The following SFRP4 variants were observed in gnomAD, a reference collection of about 807,000 sequenced individuals.
SFRP4 encodes the protein secreted frizzled related protein 4.
SFRP4 carries 25 observed loss-of-function variants against 36.3 expected under a neutral mutation model. The ratio of observed to expected loss-of-function variants is 0.69; its 90% CI spans 0.50 to 0.96. SFRP4 has a LOEUF of 0.96. SFRP4 is among the 40% of genes least tolerant of loss of function. SFRP4 has a pLI of 0.00. For synonymous variants in SFRP4, 182 were observed against 168.8 expected, an observed-to-expected ratio of 1.08 and a Z score of -0.60; for missense variants, 487 against 459.6, an observed-to-expected ratio of 1.06 and a Z score of -0.54.
chr7:37,916,668 T>C lies in SFRP4; in HGVS notation c.-131A>G, dbSNP rs1037798419. ...CGCAGGAGAGTTTCTTCCCCCAAAC[T>C]CCAGTCGGCAGCAAAGCGGGGCCGC... On this transcript the variant is annotated 5_prime_UTR_variant, in exon 1 of 6. Transcript: ENST00000436072. The surrounding 1 kb of genome is among the most constrained non-coding windows in gnomAD (Gnocchi z 4.1). The C allele has an allele frequency of 9.1e-5, 123 of 1,357,520 alleles. 1 individual carries two copies. The African/African-American group carries it at 1.6e-3, about 18-fold the overall frequency. The allele number at this position is 1,357,520 out of a possible 1,614,324, so 84.1% of individuals were successfully genotyped here. A position where few individuals can be genotyped will look rare whatever the true frequency, so the allele number is the denominator to read the frequency against.
rs751834775 is a variant in SFRP4, at chr7:37,909,673, G to A, written c.799C>T (p.Leu267Phe). Reference protein sequence around the residue: ...MCYEWRSRMMLLENCLVEKWR... With the variant: ...MCYEWRSRMMFLENCLVEKWR... ...TTTTCAACTAAGCAATTTTCAAGAAGCATCATCCTGAAAAAAAATTATCTT... is the reference window on the plus strand; with the variant it reads ...TTTTCAACTAAGCAATTTTCAAGAAACATCATCCTGAAAAAAAATTATCTT... Residue 267 changes from leucine to phenylalanine, a missense_variant, in exon 5 of 6, where the codon CTT (leucine) becomes TTT (phenylalanine). Transcript: ENST00000436072. 1.9e-6 allele frequency: 3 copies of A among 1,569,754 alleles called. No homozygotes were observed. The highest frequency in any genetic ancestry group is 2.3e-5 in the East Asian group (1 of 43,248).
Position 37,916,220 on chromosome 7 carries a change from G to T in SFRP4, c.318C>A (p.Asp106Glu). The part of the protein sequence containing the change: ...PCKSVCQRAR[D>E]DCEPLMKMYN... ...ACATCTTCATGAGGGGCTCGCAGTC[G>T]TCGCGCGCGCGTTGGCACACCGACT... Residue 106 changes from aspartate (D) to glutamate (E), a missense_variant, in exon 1 of 6, where the codon GAC becomes GAA. Physicochemically the swap from Asp to Glu is conservative, Grantham distance 45. Coordinates refer to ENST00000436072, the MANE Select transcript of SFRP4 (RefSeq NM_003014.4). The surrounding 1 kb of genome is among the most constrained non-coding windows in gnomAD (Gnocchi z 4.1). 2 of 1,614,194 alleles carry T rather than the reference G, an allele frequency of 1.2e-6. No individual in the cohort carries two copies. Among genetic ancestry groups the T allele is most frequent in the South Asian group, 1.1e-5 (1 of 91,084 alleles).
chr7:37,914,434 G>T lies in SFRP4; in HGVS notation c.465C>A (p.Ile155=). ...DLPEDVKWID[I]TPDMMVQERP... is the part of the protein sequence containing the mutation. Reference sequence around the variant, plus strand: ...TTTCCTGTACCATCATGTCTGGTGTGATGTCTATCCACTTAACATCTGAAA... The same window carrying T: ...TTTCCTGTACCATCATGTCTGGTGTTATGTCTATCCACTTAACATCTGAAA... The change falls in exon 2 of 6, where the codon ATC becomes ATA. Residue 155 remains isoleucine, a synonymous_variant. Transcript: ENST00000436072. The T allele has an allele frequency of 6.2e-7, 1 of 1,613,822 alleles. No individual in the cohort carries two copies. Among genetic ancestry groups the T allele is most frequent in the East Asian group, 2.2e-5 (1 of 44,888 alleles).
intron 3 of SFRP4, 148 bp from the exon 4 acceptor site, chr7:37,912,465 C>T: frequency 1.6e-6 from 1 of 636,054 alleles, no homozygotes; most frequent in Middle Eastern, 4.3e-4. Context: ...GGCAAACAGC[C>T]CACACAGTCA....
Position 37,916,016 on chromosome 7 carries a change from G to C in SFRP4, c.445+77C>G. 6.5e-7 allele frequency: 1 copy of C among 1,538,226 alleles called. No homozygotes were observed. Among genetic ancestry groups the C allele is most frequent in the South Asian group, 1.3e-5 (1 of 78,776 alleles). On this transcript the variant is annotated intron_variant, in intron 1 of 5. Transcript: ENST00000436072. The surrounding 1 kb of genome is among the most constrained non-coding windows in gnomAD (Gnocchi z 4.1). The stretch of plus-strand genomic sequence containing the variant: ...TCAGACGCCCCTGGCAGCCTTAGGT[G>C]TGGCCGCCCAGTTCTCGATTGGCAG...
chr7:37,909,465 C>A, intron 5 of SFRP4, 152 bp downstream of exon 5: 1 of 446,472 alleles, frequency 2.2e-6, no homozygotes, highest in Non-Finnish European at 4.1e-6. Flanking sequence ...AATAGCTACA[C>A]TCTTAACGGC....
At position 37,907,024 on chromosome 7, in the gene SFRP4, C is replaced by A. The variant is rs1785405986; in HGVS notation, c.*455G>T. ...TTCCACTACTGTTCCTTCTTAGAAG[C>A]ATTATATTTTCGATCACATTTTAAA... On this transcript the variant is annotated 3_prime_UTR_variant, in exon 6 of 6. Coordinates refer to ENST00000436072, the MANE Select transcript of SFRP4 (RefSeq NM_003014.4). 1 of 152,550 alleles carries A rather than the reference C, an allele frequency of 6.6e-6. No homozygotes were observed. Among genetic ancestry groups the A allele is most frequent in the East Asian group, 1.9e-4 (1 of 5,200 alleles). 9.4% of individuals were successfully genotyped at this position (152,550 alleles called of 1,614,324 possible).
chr7:37,910,226 C>A (rs1785461920), intron 4 of SFRP4, among the ~76,000 whole-genome samples: 1 of 151,936 alleles, frequency 6.6e-6, no homozygotes, highest in Admixed American at 6.6e-5. Context: ...AATTCACTAA[C>A]ATTAAGAATT....
Position 37,906,139 on chromosome 7 carries a change from C to G in SFRP4, c.*1340G>C, listed in dbSNP as rs1228390352. ...TATGAAACACATGTATAGCAGGTTC[C>G]TAGTTTTATTTGTTCAAATCATTTT... On this transcript the variant is annotated 3_prime_UTR_variant, in exon 6 of 6. Coordinates refer to ENST00000436072, the MANE Select transcript of SFRP4 (RefSeq NM_003014.4). The G allele has an allele frequency of 1.3e-5, 2 of 152,110 alleles. No individual in the cohort carries two copies. The highest frequency in any genetic ancestry group is 2.4e-5 in the African/African-American group (1 of 41,438). 9.4% of individuals were successfully genotyped at this position (152,110 alleles called of 1,614,324 possible). A position where few individuals can be genotyped will look rare whatever the true frequency, so the allele number is the denominator to read the frequency against.
At chr7:37,910,573 A>C (rs1031781190) in intron 4 of SFRP4, among the ~76,000 whole-genome samples, 5 of 152,042 alleles carry the variant, frequency 3.3e-5, no homozygotes, top group African/African-American at 1.2e-4. Flanking sequence ...TTATGTTTAC[A>C]AATTACTTTT....
intron 4 of SFRP4, among the ~76,000 whole-genome samples, chr7:37,910,182 C>G (rs2722320): frequency 0.22 from 32,958 of 151,708 alleles, 3,949 homozygotes; most frequent in South Asian, 0.4. Context: ...ATGCATAGTG[C>G]CAAGTTGTTT....
chr7:37,912,321 C>T lies in SFRP4; in HGVS notation c.593-4G>A, dbSNP rs1363446153. 1.2e-6 allele frequency: 2 copies of T among 1,611,330 alleles called. No individual in the cohort carries two copies. The highest frequency in any genetic ancestry group is 1.3e-5 in the African/African-American group (1 of 74,822). ...GCTTTTATTTTGGCATGAATAACTG[C>T]AATTTAAAAATAGATAAAAGTGTTG... On this transcript the variant is annotated splice_region_variant and splice_polypyrimidine_tract_variant and intron_variant, in intron 3 of 5. Transcript: ENST00000436072.
At chr7:37,907,700 T>G (rs1169158789) in intron 5 of SFRP4, 36 bp from the exon 6 acceptor site, 2 of 1,516,756 alleles carry the variant, frequency 1.3e-6, no homozygotes, top group Admixed American at 3.6e-5. Context: ...TGTCAAATTA[T>G]CTCACCCCTT....
intron 4 of SFRP4, among the ~76,000 whole-genome samples, chr7:37,911,364 G>T (rs1785482572): frequency 6.6e-6 from 1 of 152,192 alleles, no homozygotes; most frequent in African/African-American, 2.4e-5. Flanking sequence ...GAATGGGAGG[G>T]ATGCCTTGTT....
rs1198898000 is a variant in SFRP4, at chr7:37,914,372, C to T, written c.526+1G>A. 2 of 1,613,268 alleles carry T rather than the reference C, an allele frequency of 1.2e-6. No homozygotes were observed. The highest frequency in any genetic ancestry group is 1.3e-5 in the African/African-American group (1 of 74,902). ...GGAACGTCCATGAAGAAAGAACTCA[C>T]CGGGGCTTAGGCGTTTACAGTCAAC... On this transcript the variant is annotated splice_donor_variant, in intron 2 of 5. Transcript: ENST00000436072. LOFTEE classifies it high-confidence loss of function.
Position 37,916,176 on chromosome 7 carries a change from T to C in SFRP4, c.362A>G (p.Glu121Gly), listed in dbSNP as rs367610039. The C allele has an allele frequency of 6.8e-6, 11 of 1,614,018 alleles. No homozygotes were observed. Among genetic ancestry groups the C allele is most frequent in the Non-Finnish European group, 8.5e-6 (10 of 1,180,048 alleles). The change falls in exon 1 of 6, where the codon GAA becomes GGA. Residue 121 changes from glutamate to glycine, a missense_variant. By Grantham distance (98) the Glu-to-Gly change is moderately conservative. Transcript: ENST00000436072. The surrounding 1 kb of genome is among the most constrained non-coding windows in gnomAD (Gnocchi z 4.1). ...LMKMYNHSWP[E>G]SLACDELPVY... ...AGGCAGCTCGTCGCAGGCCAGGCTT[T>C]CGGGCCAGCTGTGGTTGTACATCTT...
rs1175123689 is a variant in SFRP4 at position 37,916,405 on chromosome 7, G to A, written c.133C>T (p.His45Tyr). 1 of 1,614,168 alleles carries A rather than the reference G, an allele frequency of 6.2e-7. No homozygotes were observed. Among genetic ancestry groups the A allele is most frequent in the Admixed American group, 1.7e-5 (1 of 60,038 alleles). Residue 45 changes from histidine to tyrosine, a missense_variant, in exon 1 of 6, where the codon CAC (histidine) becomes TAC (tyrosine). Physicochemically the swap from His to Tyr is moderately conservative, Grantham distance 83. Transcript: ENST00000436072. This position sits in a 1 kb window ranked among gnomAD's most constrained non-coding sequence, Gnocchi z 4.1. ...TTCTCCTGCGTGCTGTGGTGCAGGT[G>A]GTTGGGCATCCGCGTGATGTTCCAG... ...MPWNITRMPN[H>Y]LHHSTQENAI...
At chr7:37,912,525 C>T (rs924052607) in intron 3 of SFRP4, among the ~76,000 whole-genome samples, 6 of 152,054 alleles carry the variant, frequency 3.9e-5, no homozygotes, top group Non-Finnish European at 2.9e-5. Flanking sequence ...TTAAATGTTC[C>T]GGGGCATACT....
chr7:37,907,879 A>G (rs183271354), intron 5 of SFRP4, among the ~76,000 whole-genome samples: 5 of 152,306 alleles, frequency 3.3e-5, no homozygotes, highest in Admixed American at 2.0e-4. Context: ...TCATTGAAAC[A>G]ACAGTCCTTC....
Sources: allele counts gnomAD v4.1 joint callset (sites outside exome capture counted in the v4.1 genomes callset), GRCh38; gene constraint gnomAD v4.1.1; non-coding constraint Gnocchi (gnomAD v3.1); transcripts MANE v1.5; gene names NCBI Gene and HGNC (gene_info 2026-07-23, HGNC 2026-07-21).